The following JARID2 variants were observed in gnomAD, a reference collection of about 807,000 sequenced individuals.
JARID2 encodes the protein jumonji and AT-rich interaction domain containing 2, also known as protein Jumonji.
Under a neutral mutation model 125.6 loss-of-function variants are expected in JARID2, and 21 were observed. The ratio of observed to expected loss-of-function variants is 0.17; its 90% confidence interval spans 0.12 to 0.24. JARID2 has a LOEUF of 0.24. Ranked by LOEUF, JARID2 falls within the 10% of genes least tolerant of loss-of-function variation. The pLI, the probability that JARID2 is intolerant of heterozygous loss-of-function variation, is 1.00. For synonymous variants in JARID2, 736 were observed against 661.6 expected, an observed-to-expected ratio of 1.11 and a Z score of -1.73; for missense variants, 1,303 against 1,639.6, an observed-to-expected ratio of 0.79 and a Z score of 3.55.
At chr6:15,276,398 A>T (rs1324138102) in intron 1 of JARID2, among the ~76,000 whole-genome samples, 2 of 152,238 alleles carry the variant, frequency 1.3e-5, no homozygotes, top group Admixed American at 1.3e-4. Context: ...CTGCCAGTGC[A>T]TTTAGGGAGT....
At chr6:15,435,215 T>C (rs1367760355) in intron 3 of JARID2, among the ~76,000 whole-genome samples, 2 of 152,236 alleles carry the variant, frequency 1.3e-5, no homozygotes, top group African/African-American at 4.8e-5. Context: ...GGGGAATTCA[T>C]TGAGGCCTGA....
At chr6:15,313,252 G>A (rs549577721) in intron 1 of JARID2, among the ~76,000 whole-genome samples, 1 of 152,272 alleles carries the variant, frequency 6.6e-6, no homozygotes, top group African/African-American at 2.4e-5. Context: ...AGTTTTCATG[G>A]ATGAGAAAGT....
intron 1 of JARID2, among the ~76,000 whole-genome samples, chr6:15,285,706 A>C (rs141570066): frequency 2.0e-5 from 3 of 152,334 alleles, no homozygotes; most frequent in African/African-American, 7.2e-5. Flanking sequence ...AGGTTAGAGG[A>C]TAACAATTCT....
chr6:15,421,220 A>G (rs576771470), intron 3 of JARID2, among the ~76,000 whole-genome samples: 6 of 152,242 alleles, frequency 3.9e-5, no homozygotes, highest in African/African-American at 1.2e-4. Flanking sequence ...ATGTTGCTAT[A>G]TGGTGGCCGT....
intron 1 of JARID2, among the ~76,000 whole-genome samples, chr6:15,345,126 G>T (rs1022436628): frequency 6.6e-6 from 1 of 152,124 alleles, no homozygotes; most frequent in East Asian, 1.9e-4. Context: ...GAAGCTTCTA[G>T]TATAGTTTCT....
At position 15,303,806 on chromosome 6, in the gene JARID2, G is replaced by T. The variant is rs376800537; in HGVS notation, c.45+57222G>T. 1.2e-4 allele frequency among the ~76,000 whole-genome samples: 19 copies of T among 152,284 alleles called. 1 individual carries two copies. The highest frequency in any genetic ancestry group is 4.3e-4 in the African/African-American group (18 of 41,556). ...TGACAGTGGTATTTCAGGTGCAGAG[G>T]TTACTGTTTGTATTATTAGTGTAAG... On this transcript the variant is annotated intron_variant, in intron 1 of 17. Transcript: ENST00000341776.
At chr6:15,487,271 T>C (rs1306062632) in intron 5 of JARID2, 36 bp from the exon 6 acceptor site, 2 of 1,562,186 alleles carry the variant, frequency 1.3e-6, no homozygotes, top group African/African-American at 2.7e-5. Flanking sequence ...GTGGTCAAGG[T>C]AGTGATTTCA....
intron 1 of JARID2, among the ~76,000 whole-genome samples, chr6:15,287,496 A>AT (rs895918249): frequency 6.6e-6 from 1 of 152,200 alleles, no homozygotes; most frequent in African/African-American, 2.4e-5. Context: ...AGTATTTGCA[A>AT]TTTTTTGTGT....
At chr6:15,439,844 T>C (rs1008269643) in intron 3 of JARID2, among the ~76,000 whole-genome samples, 11 of 152,182 alleles carry the variant, frequency 7.2e-5, no homozygotes, top group African/African-American at 2.7e-4. Context: ...CCCCTGGGAG[T>C]TTCTGCTACT....
intron 1 of JARID2, among the ~76,000 whole-genome samples, chr6:15,269,558 A>G (rs1225863316): frequency 6.8e-6 from 1 of 148,004 alleles, no homozygotes; most frequent in Non-Finnish European, 1.5e-5. Flanking sequence ...TTTTGTAGAG[A>G]TGGCTATTTT....
At chr6:15,248,366 G>C (rs1300592285) in intron 1 of JARID2, 3 of 143,202 alleles carry the variant, frequency 2.1e-5, no homozygotes, top group Admixed American at 2.1e-4. Flanking sequence ...AGGCGGGCAG[G>C]AGGGCGGGTG....
At chr6:15,315,961 A>G (rs1029335718) in intron 1 of JARID2, among the ~76,000 whole-genome samples, 2 of 152,118 alleles carry the variant, frequency 1.3e-5, no homozygotes, top group African/African-American at 2.4e-5. Flanking sequence ...GACTGAGGGC[A>G]TAAGCTGGAA....
chr6:15,450,267 T>A (rs1023642098), intron 3 of JARID2, among the ~76,000 whole-genome samples: 40 of 152,152 alleles, frequency 2.6e-4, no homozygotes, highest in Admixed American at 2.4e-3. Context: ...CCTCCCGGGT[T>A]CCAGCGATTC....
chr6:15,471,474 C>G (rs1769074312), intron 5 of JARID2, among the ~76,000 whole-genome samples: 2 of 152,140 alleles, frequency 1.3e-5, no homozygotes, highest in African/African-American at 4.8e-5. Context: ...TGATAGAAAT[C>G]TGTTTCATCA....
chr6:15,450,521 C>G lies in JARID2; in HGVS notation c.324-1485C>G, dbSNP rs1343686709. On this transcript the variant is annotated intron_variant, in intron 3 of 17. Transcript: ENST00000341776. ...CTTGAGTGGCATTGCATTATCCATC[C>G]TACGTAGTGTTTGGGATTCTGATGA... Among the ~76,000 whole-genome samples the G allele has an allele frequency of 2.6e-5, 4 of 152,252 alleles. No individual in the cohort carries two copies. The East Asian group carries it at 7.7e-4, about 29-fold the overall frequency.
At chr6:15,335,930 CA>C (rs915846928) in intron 1 of JARID2, among the ~76,000 whole-genome samples, 1 of 151,968 alleles carries the variant, frequency 6.6e-6, no homozygotes, top group African/African-American at 2.4e-5. Flanking sequence ...ACACAACACA[CA>C]AAAAAATAGC....
rs376494690 is a variant in JARID2, at chr6:15,303,768, GT to G, written c.45+57188del. Among the ~76,000 whole-genome samples, 294 of 152,276 alleles carry G rather than the reference GT, an allele frequency of 1.9e-3. 1 individual carries two copies. Among genetic ancestry groups the G allele is most frequent in the African/African-American group, 6.9e-3 (286 of 41,546 alleles). The stretch of plus-strand genomic sequence containing the variant: ...AAGCTTGTTGAACAAGGAAATAGAA[GT>G]TTTCAACAATTTGACAGTGGTATTT... On this transcript the variant is annotated intron_variant, in intron 1 of 17. Coordinates refer to ENST00000341776, the MANE Select transcript of JARID2 (RefSeq NM_004973.4).
intron 5 of JARID2, among the ~76,000 whole-genome samples, chr6:15,480,016 A>G (rs944234027): frequency 6.6e-6 from 1 of 152,254 alleles, no homozygotes; most frequent in African/African-American, 2.4e-5. Flanking sequence ...ATGCCAGCCA[A>G]TTGACGGAGT....
chr6:15,261,241 C>G (rs1177277477), intron 1 of JARID2, among the ~76,000 whole-genome samples: 1 of 151,852 alleles, frequency 6.6e-6, no homozygotes, highest in African/African-American at 2.4e-5. Flanking sequence ...CAGGCATTAA[C>G]AGCTTGTTTT....
Sources: allele counts gnomAD v4.1 joint callset (sites outside exome capture counted in the v4.1 genomes callset), GRCh38; gene constraint gnomAD v4.1.1; transcripts MANE v1.5; gene names NCBI Gene and HGNC (gene_info 2026-07-23, HGNC 2026-07-21).